Variants in ERICH1 observed in about 807,000 individuals in gnomAD.
ERICH1 encodes glutamate-rich protein 1.
Under a neutral mutation model 39.6 loss-of-function variants are expected in ERICH1, and 56 were observed. The ratio of observed to expected loss-of-function variants is 1.41; its 90% CI spans 1.14 to 1.77. ERICH1 has a LOEUF of 1.77. Ranked by LOEUF, ERICH1 falls within the 40% of genes most tolerant of loss-of-function variation. ERICH1 has a pLI of 0.00. For missense variants in ERICH1, 826 were observed against 575.4 expected (o/e 1.44, Z -4.45); for synonymous variants, 313 against 223.6 (o/e 1.40, Z -3.57).
chr8:637,406 C>T (rs1458053478), intron 3 of ERICH1: 1 of 152,304 alleles, frequency 6.6e-6, no homozygotes, highest in East Asian at 1.9e-4. Context: ...TGCTGCCCAG[C>T]ATTCCATCCT....
chr8:650,089 G>C (rs1043142576), intron 3 of ERICH1, among the ~76,000 whole-genome samples: 1 of 152,252 alleles, frequency 6.6e-6, no homozygotes, highest in African/African-American at 2.4e-5. Context: ...AGAAGAACAA[G>C]GCCGGAAGGT....
chr8:618,367 T>C (rs1030765699), intron 3 of ERICH1, among the ~76,000 whole-genome samples: 7 of 151,850 alleles, frequency 4.6e-5, no homozygotes, highest in Admixed American at 2.6e-4. Context: ...ACTTGGTCTG[T>C]CCTCACTGCC....
intron 3 of ERICH1, among the ~76,000 whole-genome samples, chr8:642,736 G>A (rs770283572): frequency 2.5e-4 from 38 of 152,034 alleles, no homozygotes; most frequent in Non-Finnish European, 8.8e-5. Flanking sequence ...CTTGTGAGGC[G>A]CTGGCCCTCT....
intron 1 of ERICH1, among the ~76,000 whole-genome samples, chr8:724,845 T>C (rs1818206929): frequency 6.6e-6 from 1 of 152,184 alleles, no homozygotes; most frequent in Admixed American, 6.5e-5. Flanking sequence ...ATCAAAGATG[T>C]GGAACCCAGA....
chr8:634,605 A>T (rs558178069), intron 3 of ERICH1, among the ~76,000 whole-genome samples: 46 of 152,188 alleles, frequency 3.0e-4, no homozygotes, highest in Admixed American at 7.2e-4. Context: ...CCATGCGTGC[A>T]GTAGGTGCCC....
At chr8:712,768 G>C (rs1489260743) in intron 2 of ERICH1, among the ~76,000 whole-genome samples, 1 of 152,174 alleles carries the variant, frequency 6.6e-6, no homozygotes, top group African/African-American at 2.4e-5. Flanking sequence ...GTTGACTTCC[G>C]TGTATTAACT....
chr8:622,956 C>CAATAAATAAATAAATAAATA (rs71202635), intron 3 of ERICH1, among the ~76,000 whole-genome samples: 1,827 of 143,908 alleles, frequency 0.013, 15 homozygotes, highest in East Asian at 0.049. Flanking sequence ...GATCCGCTCT[C>CAATAAATAAATAAATAAATA]AATAAATAAA....
At chr8:652,432 G>T (rs1800093914) in intron 3 of ERICH1, among the ~76,000 whole-genome samples, 1 of 152,222 alleles carries the variant, frequency 6.6e-6, no homozygotes, top group Non-Finnish European at 1.5e-5. Flanking sequence ...TGGGGACAGT[G>T]GGGAAATCTA....
Position 715,969 on chromosome 8 carries a change from C to G in ERICH1, c.61G>C (p.Val21Leu). The G allele has an allele frequency of 1.2e-6, 2 of 1,613,458 alleles. No individual in the cohort carries two copies. The highest frequency in any genetic ancestry group is 1.3e-5 in the African/African-American group (1 of 74,992). ...EKVLQRLFPP[V>L]PSGQGKREPQ... ...TCCCTCTTTCCTTGGCCACTTGGAA[C>G]AGGAGGAAAAAGTCTCTGCAGCACC... Residue 21 changes from valine (V) to leucine (L), a missense_variant, in exon 2 of 6, where the codon GTT (valine) becomes CTT (leucine). Val to Leu is a conservative substitution (Grantham distance 32, BLOSUM62 1). Transcript: ENST00000262109.
At chr8:693,861 C>T (rs895645367) in intron 2 of ERICH1, among the ~76,000 whole-genome samples, 1 of 152,224 alleles carries the variant, frequency 6.6e-6, no homozygotes, top group Non-Finnish European at 1.5e-5. Flanking sequence ...TGTTTGGTTC[C>T]TGCACAGGGA....
chr8:666,795 G>A (rs145745018), intron 5 of ERICH1: 290 of 152,710 alleles, frequency 1.9e-3, no homozygotes, highest in Middle Eastern at 0.014. Context: ...CCTCCTCGCG[G>A]TGACCTGGTC....
intron 2 of ERICH1, among the ~76,000 whole-genome samples, chr8:699,514 A>G (rs1585435802): frequency 6.6e-6 from 1 of 151,934 alleles, no homozygotes; most frequent in South Asian, 2.1e-4. Flanking sequence ...CCGCACCCAG[A>G]CCCTCCCCAC....
intron 3 of ERICH1, among the ~76,000 whole-genome samples, chr8:688,437 G>A (rs1269801345): frequency 6.6e-6 from 1 of 150,964 alleles, no homozygotes; most frequent in African/African-American, 2.4e-5. Context: ...TTAGCGCCGC[G>A]CCCATTCTGT....
At chr8:658,661 C>T (rs1669675) in intron 3 of ERICH1, among the ~76,000 whole-genome samples, 109,990 of 152,072 alleles carry the variant, frequency 0.72, 40,926 homozygotes, top group East Asian at 0.9. Context: ...ATCATCAGGG[C>T]GGTCCTGACC....
At chr8:629,063 G>A (rs867421149) in intron 3 of ERICH1, among the ~76,000 whole-genome samples, 1 of 152,172 alleles carries the variant, frequency 6.6e-6, no homozygotes, top group Non-Finnish European at 1.5e-5. Flanking sequence ...CTACAGGCCA[G>A]GTCAGGACAC....
chr8:617,740 G>A (rs1703893), intron 3 of ERICH1, among the ~76,000 whole-genome samples: 75,908 of 150,166 alleles, frequency 0.51, 21,390 homozygotes, highest in East Asian at 0.81. Flanking sequence ...TGAGTGCTCA[G>A]TGCTCAGTCT....
At chr8:690,697 C>T (rs920933740) in intron 3 of ERICH1, among the ~76,000 whole-genome samples, 8 of 152,254 alleles carry the variant, frequency 5.3e-5, no homozygotes, top group African/African-American at 1.4e-4. Flanking sequence ...AGCAGGGCTG[C>T]GCAAGGTCCT....
intron 3 of ERICH1, among the ~76,000 whole-genome samples, chr8:630,463 CAG>C (rs55939563): frequency 1.1e-4 from 9 of 81,766 alleles, no homozygotes; most frequent in East Asian, 8.1e-4. Context: ...CGTGAGCACC[CAG>C]ACAGACAGAG....
At chr8:708,697 T>TTTTTGTTTTTTTTTTTTTTG in intron 2 of ERICH1, among the ~76,000 whole-genome samples, 2 of 139,058 alleles carry the variant, frequency 1.4e-5, no homozygotes, top group Non-Finnish European at 1.6e-5. Flanking sequence ...TTTTTTTTTT[T>TTTTTGTTTTTTTTTTTTTTG]TTTTTTTTTT....
Sources: allele counts gnomAD v4.1 joint callset (sites outside exome capture counted in the v4.1 genomes callset), GRCh38; gene constraint gnomAD v4.1.1; transcripts MANE v1.5; gene names NCBI Gene and HGNC (gene_info 2026-07-23, HGNC 2026-07-21).